SLC67A2: variants seen among roughly 807,000 people sequenced by gnomAD.
SLC67A2 encodes solute carrier family 67 member A2.
chr2:102,722,757 T>C, the SLC67A2 span, among the ~76,000 whole-genome samples: 4 of 151,898 alleles, frequency 2.6e-5, no homozygotes, highest in African/African-American at 7.3e-5. Flanking sequence ...AATCCAAAAA[T>C]AGACAAGTGG....
chr2:102,722,348 A>C, the SLC67A2 span, among the ~76,000 whole-genome samples: 2 of 152,176 alleles, frequency 1.3e-5, no homozygotes, highest in African/African-American at 4.8e-5. Flanking sequence ...CATGGCCAGA[A>C]TGTATGGAGG....
At chr2:102,727,702 T>C in the SLC67A2 span, among the ~76,000 whole-genome samples, 209 of 152,340 alleles carry the variant, frequency 1.4e-3, no homozygotes, top group African/African-American at 4.6e-3. Flanking sequence ...GTTCCAATTC[T>C]ATGCAGGCAT....
chr2:102,726,944 A>T, the SLC67A2 span: 15 of 1,613,688 alleles, frequency 9.3e-6, no homozygotes, highest in African/African-American at 1.3e-5. Context: ...AGCAAGGAAG[A>T]CCGTCTTCCC....
chr2:102,715,018 A>G, the SLC67A2 span, among the ~76,000 whole-genome samples: 1 of 152,106 alleles, frequency 6.6e-6, no homozygotes, highest in Non-Finnish European at 1.5e-5. Flanking sequence ...CTGCACACTC[A>G]TCACCTGGGA....
the SLC67A2 span, among the ~76,000 whole-genome samples, chr2:102,730,670 G>A: frequency 6.6e-6 from 1 of 151,576 alleles, no homozygotes; most frequent in Admixed American, 6.6e-5. Flanking sequence ...AGCCTCCCGA[G>A]TAGCTGGGAC....
chr2:102,727,032 CA>C, the SLC67A2 span: 1 of 1,574,374 alleles, frequency 6.4e-7, no homozygotes, highest in South Asian at 1.2e-5. Context: ...TACCACCATG[CA>C]AATGACCAAA....
chr2:102,727,019 G>T, the SLC67A2 span: 1 of 1,592,152 alleles, frequency 6.3e-7, no homozygotes, highest in South Asian at 1.1e-5. Flanking sequence ...TCACAGTAAC[G>T]ACTACCACCA....
chr2:102,727,364 T>A, the SLC67A2 span, among the ~76,000 whole-genome samples: 3 of 152,136 alleles, frequency 2.0e-5, no homozygotes, highest in Non-Finnish European at 4.4e-5. Flanking sequence ...AAAAACAAAA[T>A]GACCAATACA....
the SLC67A2 span, chr2:102,718,914 C>A: frequency 6.2e-7 from 1 of 1,614,244 alleles, no homozygotes. Flanking sequence ...AAGCGCTCCT[C>A]CAGGGCCAGG....
chr2:102,736,648 A>G, the SLC67A2 span: 3 of 1,613,762 alleles, frequency 1.9e-6, no homozygotes, highest in Non-Finnish European at 2.5e-6. Flanking sequence ...GCACTCACCA[A>G]GAAGCCCACC....
chr2:102,718,822 T>C, the SLC67A2 span: 1 of 1,613,902 alleles, frequency 6.2e-7, no homozygotes, highest in Non-Finnish European at 8.5e-7. Context: ...GCCGTAGGAT[T>C]GGCCCCAGGG....
the SLC67A2 span, chr2:102,730,974 T>G: frequency 2.0e-6 from 3 of 1,530,830 alleles, no homozygotes; most frequent in Non-Finnish European, 2.7e-6. Context: ...AAACTTCAAG[T>G]CCCCAATTTT....
the SLC67A2 span, among the ~76,000 whole-genome samples, chr2:102,724,260 C>T: frequency 1.4e-4 from 22 of 152,212 alleles, no homozygotes; most frequent in African/African-American, 5.3e-4. Flanking sequence ...TTCCATAAAG[C>T]GAGTTTTCAC....
the SLC67A2 span, among the ~76,000 whole-genome samples, chr2:102,726,623 C>A: frequency 6.6e-6 from 1 of 151,964 alleles, no homozygotes; most frequent in Non-Finnish European, 1.5e-5. Context: ...TGCTCGCGCA[C>A]GCACACACAC....
chr2:102,734,996 C>T, the SLC67A2 span, among the ~76,000 whole-genome samples: 1 of 152,142 alleles, frequency 6.6e-6, no homozygotes, highest in African/African-American at 2.4e-5. Context: ...CTGGCTGAAC[C>T]AGCCCAAGTC....
the SLC67A2 span, chr2:102,723,816 G>A: frequency 6.2e-7 from 1 of 1,614,194 alleles, no homozygotes; most frequent in Non-Finnish European, 8.5e-7. Flanking sequence ...ACCGGAGGCT[G>A]TGTTGAAGTG....
At chr2:102,723,601 T>C in the SLC67A2 span, 1 of 1,205,080 alleles carries the variant, frequency 8.3e-7, no homozygotes, top group Non-Finnish European at 1.2e-6. Flanking sequence ...GATGAGTCTG[T>C]CTATTCTGAT....
the SLC67A2 span, among the ~76,000 whole-genome samples, chr2:102,724,407 T>C: frequency 1.3e-5 from 2 of 152,300 alleles, no homozygotes; most frequent in East Asian, 3.9e-4. Context: ...AGAAATTTGA[T>C]AGCACCATCA....
chr2:102,716,283 A>G, the SLC67A2 span: 3 of 152,252 alleles, frequency 2.0e-5, no homozygotes, highest in African/African-American at 7.2e-5. Flanking sequence ...AAATAAAAAC[A>G]CGACTATAAG....
Sources: allele counts gnomAD v4.1 joint callset (sites outside exome capture counted in the v4.1 genomes callset), GRCh38; gene constraint gnomAD v4.1.1; transcripts MANE v1.5; gene names NCBI Gene and HGNC (gene_info 2026-07-23, HGNC 2026-07-21).